The following TASP1 variants were observed in gnomAD, a reference collection of about 807,000 sequenced individuals.
The protein encoded by TASP1 is threonine aspartase 1.
In TASP1, 16 loss-of-function variants were observed where a neutral mutation model predicts 56.6. The observed-to-expected ratio is 0.28, with a 90% confidence interval of 0.19 to 0.43. The LOEUF is 0.43. Among genes scored for constraint, TASP1 ranks in the 20% least tolerant of loss-of-function variants. The pLI is 1.00. For missense variants in TASP1, 393 were observed against 511.6 expected (o/e 0.77, Z 2.24); for synonymous variants, 179 against 184.2 (o/e 0.97, Z 0.23).
rs1421341284 is a variant in TASP1, at chr20:13,389,588, T to C, written c.*772A>G. 1 of 152,662 alleles carries C rather than the reference T, an allele frequency of 6.6e-6. No individual in the cohort carries two copies. Among genetic ancestry groups the C allele is most frequent in the Non-Finnish European group, 1.5e-5 (1 of 68,044 alleles). The allele number at this position is 152,662 out of a possible 1,614,324, so 9.5% of individuals were successfully genotyped here. ...TAAATAACTTTCCATTATACACAAATTAAGGACTGTGCATTACTGTATGTT... is the reference window on the plus strand; with the variant it reads ...TAAATAACTTTCCATTATACACAAACTAAGGACTGTGCATTACTGTATGTT... On this transcript the variant is annotated 3_prime_UTR_variant, in exon 14 of 14. Transcript: ENST00000337743.
the TASP1 span, among the ~76,000 whole-genome samples, chr20:13,327,359 A>G: frequency 1.3e-5 from 2 of 152,216 alleles, no homozygotes; most frequent in East Asian, 1.9e-4. Flanking sequence ...AAGAATCAAT[A>G]TCATGAAAAT....
At chr20:13,123,309 C>T in the TASP1 span, among the ~76,000 whole-genome samples, 9 of 148,734 alleles carry the variant, frequency 6.1e-5, no homozygotes, top group Admixed American at 2.0e-4. Context: ...CCAGCCTGGC[C>T]GACAGAGCAA....
the TASP1 span, among the ~76,000 whole-genome samples, chr20:13,370,130 T>C: frequency 6.6e-6 from 1 of 152,160 alleles, no homozygotes; most frequent in Non-Finnish European, 1.5e-5. Context: ...AGAGAATTAT[T>C]TGACAAGGAT....
intron 12 of TASP1, among the ~76,000 whole-genome samples, chr20:13,430,195 T>C (rs1423359032): frequency 6.6e-6 from 1 of 152,214 alleles, no homozygotes; most frequent in Non-Finnish European, 1.5e-5. Context: ...TGATTTGTCA[T>C]TACAGCTCAT....
At chr20:13,598,412 G>A (rs556881728) in intron 4 of TASP1, among the ~76,000 whole-genome samples, 2 of 152,276 alleles carry the variant, frequency 1.3e-5, no homozygotes, top group African/African-American at 4.8e-5. Context: ...TGACAAAACT[G>A]ACAAAAACAA....
intron 1 of TASP1, among the ~76,000 whole-genome samples, chr20:13,635,856 T>C (rs2049285484): frequency 6.6e-6 from 1 of 152,208 alleles, no homozygotes; most frequent in Non-Finnish European, 1.5e-5. Flanking sequence ...GCAGGGACTT[T>C]CATGGCACTA....
At chr20:13,583,357 G>C (rs1280957386) in intron 5 of TASP1, among the ~76,000 whole-genome samples, 1 of 152,208 alleles carries the variant, frequency 6.6e-6, no homozygotes, top group Non-Finnish European at 1.5e-5. Context: ...CTGCCATACA[G>C]TGAATGATAG....
chr20:13,233,014 G>A, the TASP1 span, among the ~76,000 whole-genome samples: 53 of 147,844 alleles, frequency 3.6e-4, no homozygotes, highest in South Asian at 8.8e-4. Flanking sequence ...AAGAAAATTC[G>A]ATGCTGGACC....
the TASP1 span, among the ~76,000 whole-genome samples, chr20:13,182,312 C>T: frequency 2.6e-5 from 4 of 152,214 alleles, no homozygotes; most frequent in Admixed American, 2.0e-4. Context: ...TCCTACCTGG[C>T]ATGTAGTAAT....
At chr20:13,569,659 A>G (rs2046649447) in intron 6 of TASP1, 73 bp from the exon 7 acceptor site, 1 of 1,296,058 alleles carries the variant, frequency 7.7e-7, no homozygotes. Context: ...TATAGGTAAT[A>G]TGGTAAGGCA....
chr20:13,577,857 C>A (rs1568605207), intron 6 of TASP1, among the ~76,000 whole-genome samples: 1 of 152,282 alleles, frequency 6.6e-6, no homozygotes, highest in East Asian at 1.9e-4. Flanking sequence ...TGTTTCTCTC[C>A]TTTTTTCTAA....
chr20:13,226,022 T>A, the TASP1 span, among the ~76,000 whole-genome samples: 1 of 152,232 alleles, frequency 6.6e-6, no homozygotes, highest in Non-Finnish European at 1.5e-5. Context: ...AGTTTTAGAA[T>A]CATGAATTTC....
At chr20:13,220,510 C>G in the TASP1 span, among the ~76,000 whole-genome samples, 1 of 152,224 alleles carries the variant, frequency 6.6e-6, no homozygotes, top group South Asian at 2.1e-4. Flanking sequence ...GATGAGCCCC[C>G]CACAGAGGCA....
intron 12 of TASP1, among the ~76,000 whole-genome samples, chr20:13,420,488 TTAA>T (rs748767645): frequency 6.6e-6 from 1 of 152,232 alleles, no homozygotes; most frequent in Non-Finnish European, 1.5e-5. Flanking sequence ...GACACATTTT[TTAA>T]TAATGACAAT....
chr20:13,368,916 GATGT>G, the TASP1 span, among the ~76,000 whole-genome samples: 1 of 152,074 alleles, frequency 6.6e-6, no homozygotes, highest in Non-Finnish European at 1.5e-5. Context: ...TGGGTCTATG[GATGT>G]AGCCTCCAAA....
chr20:13,199,489 A>G, the TASP1 span, among the ~76,000 whole-genome samples: 2 of 152,044 alleles, frequency 1.3e-5, no homozygotes, highest in Non-Finnish European at 2.9e-5. Context: ...GCCCTCATAA[A>G]GCTCCTCTAG....
chr20:13,209,365 G>A, the TASP1 span, among the ~76,000 whole-genome samples: 3,500 of 152,256 alleles, frequency 0.023, 77 homozygotes, highest in Non-Finnish European at 0.034. Flanking sequence ...TGTACTGTAG[G>A]TTGCATATTT....
chr20:13,345,863 C>T, the TASP1 span, among the ~76,000 whole-genome samples: 1 of 150,728 alleles, frequency 6.6e-6, no homozygotes, highest in Non-Finnish European at 1.5e-5. Context: ...TCCCAGCCTC[C>T]TCACATACAG....
intron 9 of TASP1, among the ~76,000 whole-genome samples, chr20:13,532,840 GC>G (rs1458374903): frequency 6.6e-6 from 1 of 152,140 alleles, no homozygotes; most frequent in Non-Finnish European, 1.5e-5. Flanking sequence ...GATATGCCAA[GC>G]TTGACTTTCC....
Sources: gnomAD v4.1 joint callset for allele counts (sites outside exome capture counted in the v4.1 genomes callset) on GRCh38, gnomAD v4.1.1 for gene constraint, MANE v1.5 for transcripts, NCBI Gene and HGNC (gene_info 2026-07-23, HGNC 2026-07-21) for gene names.